Variants in CHPT1 observed in about 807,000 individuals in gnomAD.
CHPT1 encodes choline phosphotransferase 1, also known as cholinephosphotransferase 1.
A neutral mutation model predicts 47.6 loss-of-function variants in CHPT1; 36 were observed. The observed-to-expected ratio is 0.76, with a 90% CI of 0.58 to 1.00. CHPT1 has a LOEUF of 1.00. Ranked by LOEUF, CHPT1 falls within the 50% of genes least tolerant of loss-of-function variation. The pLI is 0.00. For synonymous variants in CHPT1, 194 were observed against 186.3 expected, an observed-to-expected ratio of 1.04 and a Z score of -0.33; for missense variants, 458 against 498.1, an observed-to-expected ratio of 0.92 and a Z score of 0.77.
chr12:101,710,509 A>C (rs903719117), intron 1 of CHPT1, among the ~76,000 whole-genome samples: 3 of 148,984 alleles, frequency 2.0e-5, no homozygotes, highest in African/African-American at 7.3e-5. Context: ...GTTTCTGCCT[A>C]GACTTCCTCT....
chr12:101,719,936 A>G, intron 4 of CHPT1, 187 bp from the exon 5 acceptor site: 1 of 332,936 alleles, frequency 3.0e-6, no homozygotes, highest in Non-Finnish European at 4.9e-6. Context: ...ATAAAAATTT[A>G]AAAACTAAAA....
At position 101,723,730 on chromosome 12, in the gene CHPT1, C is replaced by T. The variant is rs1190760619; in HGVS notation, c.948C>T (p.His316=). ...AKVSQKLVVA[H]MTKSELYLQD... ...GTTTAATTTTTTTATAGGTAGCTCA[C>T]ATGACCAAAAGTGAACTATATCTTC... Residue 316 remains histidine, a synonymous_variant, in exon 7 of 9, where the codon CAC becomes CAT. Coordinates refer to ENST00000229266, the MANE Select transcript of CHPT1 (RefSeq NM_020244.3). The T allele has an allele frequency of 1.3e-6, 2 of 1,552,930 alleles. No homozygotes were observed. The highest frequency in any genetic ancestry group is 1.7e-6 in the Non-Finnish European group (2 of 1,148,918).
intron 4 of CHPT1, among the ~76,000 whole-genome samples, chr12:101,717,846 T>C (rs1951788020): frequency 6.6e-6 from 1 of 152,184 alleles, no homozygotes; most frequent in East Asian, 1.9e-4. Flanking sequence ...GCAGCTTTAT[T>C]CATAATTGCC....
chr12:101,701,654 AT>A (rs1196736505), intron 1 of CHPT1, among the ~76,000 whole-genome samples: 1 of 152,162 alleles, frequency 6.6e-6, no homozygotes, highest in Non-Finnish European at 1.5e-5. Flanking sequence ...CTGTGTCCTT[AT>A]TGAGCAGGAC....
chr12:101,719,955 TAAAA>T (rs373091905), intron 4 of CHPT1, 164 bp from the exon 5 acceptor site: 4 of 300,874 alleles, frequency 1.3e-5, no homozygotes, highest in Non-Finnish European at 2.0e-5. Context: ...AAAAAAAAGT[TAAAA>T]AAAAGTTTTT....
intron 5 of CHPT1, among the ~76,000 whole-genome samples, chr12:101,721,519 T>A (rs1951851556): frequency 6.6e-6 from 1 of 152,218 alleles, no homozygotes; most frequent in Non-Finnish European, 1.5e-5. Flanking sequence ...ATTGACAAAT[T>A]GTCAATATTT....
chr12:101,711,698 CTA>C (rs1318727890), intron 1 of CHPT1, among the ~76,000 whole-genome samples: 2 of 148,668 alleles, frequency 1.3e-5, no homozygotes, highest in African/African-American at 4.9e-5. Flanking sequence ...AAATGGGTAA[CTA>C]TGTGAGATGA....
intron 5 of CHPT1, among the ~76,000 whole-genome samples, chr12:101,721,386 C>A (rs1370800316): frequency 6.6e-6 from 1 of 151,946 alleles, no homozygotes; most frequent in African/African-American, 2.4e-5. Context: ...CCTTTAAAGT[C>A]ATTTGGAGCA....
intron 2 of CHPT1, 25 bp downstream of exon 2, chr12:101,714,262 T>G (rs1286883960): frequency 2.0e-6 from 3 of 1,536,490 alleles, no homozygotes; most frequent in Non-Finnish European, 2.6e-6. Flanking sequence ...TTTTTTATTT[T>G]TTTATGATAC....
chr12:101,723,354 A>G, intron 6 of CHPT1, 28 bp downstream of exon 6: 4 of 1,306,362 alleles, frequency 3.1e-6, no homozygotes, highest in Non-Finnish European at 4.3e-6. Flanking sequence ...TTCATGATAT[A>G]AATAATATAC....
chr12:101,706,565 G>A (rs1716937635), intron 1 of CHPT1, among the ~76,000 whole-genome samples: 1 of 152,120 alleles, frequency 6.6e-6, no homozygotes, highest in Non-Finnish European at 1.5e-5. Flanking sequence ...AGTGAAATTT[G>A]TCCAGTGAGT....
intron 1 of CHPT1, among the ~76,000 whole-genome samples, chr12:101,706,436 A>G (rs1951634244): frequency 6.6e-6 from 1 of 152,164 alleles, no homozygotes. Flanking sequence ...AGGGCCACAT[A>G]CAAATGACAT....
intron 8 of CHPT1, 36 bp downstream of exon 8, chr12:101,726,440 A>G (rs748563520): frequency 6.2e-7 from 1 of 1,607,076 alleles, no homozygotes; most frequent in South Asian, 1.1e-5. Context: ...TAGCCCAAGG[A>G]AAAGAGGAGA....
chr12:101,723,761 A>G lies in CHPT1; in HGVS notation c.979A>G (p.Thr327Ala), dbSNP rs755094453. The change falls in exon 7 of 9, where the codon ACT becomes GCT. Residue 327 changes from threonine (T) to alanine (A), a missense_variant. Coordinates refer to ENST00000229266, the MANE Select transcript of CHPT1 (RefSeq NM_020244.3). ...CAAAAGTGAACTATATCTTCAAGACACTGTCTTTTTGGGGCCAGGTCTTTT... is the reference window on the plus strand; with the variant it reads ...CAAAAGTGAACTATATCTTCAAGACGCTGTCTTTTTGGGGCCAGGTCTTTT... ...MTKSELYLQD[T>A]VFLGPGLLFL... The G allele has an allele frequency of 6.9e-6, 11 of 1,593,534 alleles. No homozygotes were observed. The highest frequency in any genetic ancestry group is 9.4e-6 in the Non-Finnish European group (11 of 1,165,772).
chr12:101,719,715 A>T, intron 4 of CHPT1: 1 of 308,410 alleles, frequency 3.2e-6, no homozygotes, highest in Non-Finnish European at 6.2e-6. Flanking sequence ...ATGAGATTAA[A>T]CATTTAGTCA....
chr12:101,714,519 G>GA lies in CHPT1; in HGVS notation c.438dup (p.Ala147SerfsTer12). The stretch of plus-strand genomic sequence containing the variant: ...TTTCTTTCAGTATTTATGGCAGTGG[G>GA]AGCTTCAATTGCCGCTCGCTTAGGA... On this transcript the variant is annotated frameshift_variant, in exon 3 of 9. Transcript: ENST00000229266. LOFTEE classifies it high-confidence loss of function. 2 of 1,601,174 alleles carry GA rather than the reference G, an allele frequency of 1.2e-6. No homozygotes were observed. The highest frequency in any genetic ancestry group is 1.7e-6 in the Non-Finnish European group (2 of 1,176,328).
At chr12:101,711,718 G>A (rs926615697) in intron 1 of CHPT1, among the ~76,000 whole-genome samples, 1 of 148,796 alleles carries the variant, frequency 6.7e-6, no homozygotes, top group African/African-American at 2.4e-5. Context: ...TGATGGATAT[G>A]TTAATTTGCT....
At position 101,716,698 on chromosome 12, in the gene CHPT1, C is replaced by T. The variant is rs146419734; in HGVS notation, c.564-30C>T. The stretch of plus-strand genomic sequence containing the variant: ...TATTCAGGAATTTTATTTACAAACA[C>T]CTTATCTATTCTTTGTCCTTCCTCT... On this transcript the variant is annotated intron_variant, in intron 3 of 8. Coordinates refer to ENST00000229266, the MANE Select transcript of CHPT1 (RefSeq NM_020244.3). 14 of 1,419,780 alleles carry T rather than the reference C, an allele frequency of 9.9e-6. No homozygotes were observed. The East Asian group carries it at 1.6e-4, about 16-fold the overall frequency. The allele number at this position is 1,419,780 out of a possible 1,614,324, so 87.9% of individuals were successfully genotyped here.
intron 4 of CHPT1, among the ~76,000 whole-genome samples, chr12:101,718,053 A>G (rs1472310422): frequency 6.6e-6 from 1 of 152,254 alleles, no homozygotes; most frequent in African/African-American, 2.4e-5. Context: ...GATTCCAACT[A>G]TATGACATTC....
Sources: gnomAD v4.1 joint callset for allele counts (sites outside exome capture counted in the v4.1 genomes callset) on GRCh38, gnomAD v4.1.1 for gene constraint, MANE v1.5 for transcripts, NCBI Gene and HGNC (gene_info 2026-07-23, HGNC 2026-07-21) for gene names.